The following KDM2A variants were observed in gnomAD, a reference collection of about 807,000 sequenced individuals.
The protein encoded by KDM2A is lysine demethylase 2A, also known as lysine-specific demethylase 2A.
Under a neutral mutation model 137.3 loss-of-function variants are expected in KDM2A, and 3 were observed. The observed-to-expected ratio is 0.02, with a 90% CI of 0.01 to 0.06. KDM2A has a LOEUF of 0.06. Among genes scored for constraint, KDM2A ranks in the 10% least tolerant of loss-of-function variants. The pLI is 1.00. For missense variants in KDM2A, 738 were observed against 1,510.6 expected (o/e 0.49, Z 8.48); for synonymous variants, 512 against 541.5 (o/e 0.95, Z 0.76).
intron 12 of KDM2A, among the ~76,000 whole-genome samples, chr11:67,234,019 T>TC (rs1858795964): frequency 6.6e-6 from 1 of 152,236 alleles, no homozygotes; most frequent in Admixed American, 6.5e-5. Flanking sequence ...CCACAGCTTC[T>TC]CGTTTACCCA....
chr11:67,126,883 G>T (rs1855743737), intron 2 of KDM2A, among the ~76,000 whole-genome samples: 1 of 152,094 alleles, frequency 6.6e-6, no homozygotes, highest in Admixed American at 6.6e-5. Context: ...GCTAGGAAAT[G>T]ACAAGGGTGG....
chr11:67,160,494 C>T (rs999901545), intron 2 of KDM2A, among the ~76,000 whole-genome samples: 2 of 152,058 alleles, frequency 1.3e-5, no homozygotes, highest in Non-Finnish European at 2.9e-5. Context: ...TCTTCTGGGC[C>T]GGGTGCGATG....
At chr11:67,179,259 G>T (rs977518632) in intron 2 of KDM2A, among the ~76,000 whole-genome samples, 24 of 151,726 alleles carry the variant, frequency 1.6e-4, no homozygotes, top group Non-Finnish European at 2.9e-4. Flanking sequence ...GGAATGCTGG[G>T]TTTTTTTTGT....
chr11:67,181,805 A>G (rs752036560), intron 4 of KDM2A, 41 bp from the exon 5 acceptor site: 16 of 1,576,460 alleles, frequency 1.0e-5, no homozygotes, highest in East Asian at 6.7e-5. Context: ...TACTAGAGCA[A>G]TTGTGTTTTC....
At chr11:67,180,324 TTATC>T (rs1018769069) in intron 3 of KDM2A, 107 bp downstream of exon 3, 191 of 1,164,870 alleles carry the variant, frequency 1.6e-4, no homozygotes, top group Middle Eastern at 7.6e-4. Context: ...CCTGTTGATG[TTATC>T]TATCTATTTT....
At chr11:67,124,991 A>AG (rs995093820) in intron 2 of KDM2A, among the ~76,000 whole-genome samples, 1 of 149,826 alleles carries the variant, frequency 6.7e-6, no homozygotes, top group African/African-American at 2.5e-5. Flanking sequence ...CCGAGTAGCT[A>AG]GGGCTACAGG....
In KDM2A at chr11:67,121,241, A is replaced by G. The variant is rs1418476787; in HGVS notation, c.-76A>G. ...TATATCATTATTCTTTAGTGTTGCAATCTGGTTCCTAAGGAGGAAGAGGAA... is the reference window on the plus strand; with the variant it reads ...TATATCATTATTCTTTAGTGTTGCAGTCTGGTTCCTAAGGAGGAAGAGGAA... On this transcript the variant is annotated 5_prime_UTR_variant, in exon 2 of 21. Transcript: ENST00000529006. The G allele has an allele frequency of 4.6e-6, 5 of 1,076,574 alleles. 1 individual carries two copies. The African/African-American group carries it at 4.7e-5, about 10-fold the overall frequency. 66.7% of individuals were successfully genotyped at this position (1,076,574 alleles called of 1,614,324 possible).
chr11:67,148,046 A>G (rs898607747), intron 2 of KDM2A, among the ~76,000 whole-genome samples: 7 of 152,042 alleles, frequency 4.6e-5, no homozygotes, highest in African/African-American at 1.7e-4. Flanking sequence ...AGCTAAGTAC[A>G]TACATATTGA....
chr11:67,242,272 GTGTGTA>G (rs1219640431), intron 12 of KDM2A, among the ~76,000 whole-genome samples: 2 of 71,232 alleles, frequency 2.8e-5, no homozygotes, highest in African/African-American at 1.3e-4. Flanking sequence ...CTCTGTGGGT[GTGTGTA>G]TGTGTGTGTG....
chr11:67,201,494 G>A (rs549798535), intron 5 of KDM2A, among the ~76,000 whole-genome samples: 3 of 151,928 alleles, frequency 2.0e-5, no homozygotes, highest in East Asian at 3.9e-4. Flanking sequence ...GCCATGGCCC[G>A]GTGCGGTGGC....
intron 12 of KDM2A, among the ~76,000 whole-genome samples, chr11:67,242,269 GGT>G (rs147046284): frequency 0.1 from 13,217 of 126,644 alleles, 1,941 homozygotes; most frequent in African/African-American, 0.33. Context: ...AGACTCTGTG[GGT>G]GTGTGTATGT....
At chr11:67,170,288 C>G (rs1161872101) in intron 2 of KDM2A, among the ~76,000 whole-genome samples, 1 of 149,916 alleles carries the variant, frequency 6.7e-6, no homozygotes, top group Non-Finnish European at 1.5e-5. Flanking sequence ...ATTAGATAAA[C>G]AATAATATAG....
intron 5 of KDM2A, among the ~76,000 whole-genome samples, chr11:67,187,012 A>T (rs1322739910): frequency 6.6e-6 from 1 of 152,228 alleles, no homozygotes; most frequent in Non-Finnish European, 1.5e-5. Context: ...TCAGTAACCA[A>T]AAGGGGTAGA....
intron 2 of KDM2A, among the ~76,000 whole-genome samples, chr11:67,164,810 G>A (rs540693417): frequency 3.3e-5 from 5 of 152,050 alleles, no homozygotes; most frequent in African/African-American, 1.2e-4. Flanking sequence ...TGTGGGCCAG[G>A]CTGGTCTTGA....
At position 67,245,076 on chromosome 11, in the gene KDM2A, G is replaced by C; in HGVS notation, c.1564-113G>C. Reference sequence around the variant, plus strand: ...TTATTCTAGAAACAAGCAGTGGGCAGATCTGGCCATAGTGGGCCAAGCCCC... The same window carrying C: ...TTATTCTAGAAACAAGCAGTGGGCACATCTGGCCATAGTGGGCCAAGCCCC... On this transcript the variant is annotated intron_variant, in intron 13 of 20. Coordinates refer to ENST00000529006, the MANE Select transcript of KDM2A (RefSeq NM_012308.3). This position sits in a 1 kb window ranked among gnomAD's most constrained non-coding sequence, Gnocchi z 4.1. 1 of 1,144,944 alleles carries C rather than the reference G, an allele frequency of 8.7e-7. No homozygotes were observed. Among genetic ancestry groups the C allele is most frequent in the Non-Finnish European group, 1.3e-6 (1 of 798,616 alleles). 70.9% of individuals were successfully genotyped at this position (1,144,944 alleles called of 1,614,324 possible).
rs377547810 is a variant in KDM2A at position 67,159,140 on chromosome 11, A to G, written c.43-20939A>G. 5.9e-5 allele frequency among the ~76,000 whole-genome samples: 9 copies of G among 152,198 alleles called. No homozygotes were observed. The East Asian group carries it at 1.7e-3, about 29-fold the overall frequency. ...TCCTCTTATCTTTTAGAAGTTTTAT[A>G]GTTGTGTGATTTTCATTTAGGCCTA... On this transcript the variant is annotated intron_variant, in intron 2 of 20. Transcript: ENST00000529006.
At chr11:67,125,246 T>C (rs1032968129) in intron 2 of KDM2A, among the ~76,000 whole-genome samples, 7 of 151,332 alleles carry the variant, frequency 4.6e-5, no homozygotes, top group Non-Finnish European at 8.8e-5. Context: ...AGTGGCATGA[T>C]CATAGGTCAT....
intron 2 of KDM2A, among the ~76,000 whole-genome samples, chr11:67,128,451 A>C (rs1382396008): frequency 6.6e-6 from 1 of 152,082 alleles, no homozygotes; most frequent in Non-Finnish European, 1.5e-5. Context: ...ACATTGTTGA[A>C]TTAGTTTATT....
chr11:67,212,489 T>G (rs1305525242), intron 6 of KDM2A, among the ~76,000 whole-genome samples: 1 of 152,142 alleles, frequency 6.6e-6, no homozygotes, highest in Non-Finnish European at 1.5e-5. Context: ...GATGGGGAAA[T>G]AAGTTCATGG....
Sources: allele counts gnomAD v4.1 joint callset (sites outside exome capture counted in the v4.1 genomes callset), GRCh38; gene constraint gnomAD v4.1.1; non-coding constraint Gnocchi (gnomAD v3.1); transcripts MANE v1.5; gene names NCBI Gene and HGNC (gene_info 2026-07-23, HGNC 2026-07-21).